PLAGL1: variants seen among roughly 807,000 people sequenced by gnomAD.
PLAGL1 encodes the protein zinc finger protein PLAGL1.
A neutral mutation model predicts 4.6 loss-of-function variants in PLAGL1; 1 was observed. That is an observed-to-expected ratio of 0.22 (90% CI 0.08 to 1.03). The LOEUF (loss-of-function observed/expected upper bound fraction) is 1.03. Among genes scored for constraint, PLAGL1 ranks in the 50% least tolerant of loss-of-function variants. The pLI, the probability that PLAGL1 is intolerant of heterozygous loss-of-function variation, is 0.58. For missense variants in PLAGL1, 464 were observed against 570.4 expected, an observed-to-expected ratio of 0.81 and a Z score of 1.90; for synonymous variants, 240 against 237.8, an observed-to-expected ratio of 1.01 and a Z score of -0.08.
rs1357505299 is a variant in PLAGL1 at position 143,959,013 on chromosome 6, T to C, written c.-325+1456A>G. 6.6e-6 allele frequency among the ~76,000 whole-genome samples: 1 copy of C among 152,208 alleles called. No individual in the cohort carries two copies. The highest frequency in any genetic ancestry group is 1.5e-5 in the Non-Finnish European group (1 of 68,030). Reference sequence around the variant, plus strand: ...GGGGGAGGAATGTGAACTCTCTGAGTAGCTGTCCTTGCAATCCACATGTGT... The same window carrying C: ...GGGGGAGGAATGTGAACTCTCTGAGCAGCTGTCCTTGCAATCCACATGTGT... On this transcript the variant is annotated intron_variant, in intron 6 of 7. Transcript: ENST00000674357. This position sits in a 1 kb window ranked among gnomAD's most constrained non-coding sequence, Gnocchi z 5.3.
rs147127340 is a variant in PLAGL1, at chr6:144,060,685, C to T, written c.-151+3783G>A. 2.1e-3 allele frequency among the ~76,000 whole-genome samples: 316 copies of T among 152,254 alleles called. 1 individual carries two copies. Among genetic ancestry groups the T allele is most frequent in the African/African-American group, 7.3e-3 (302 of 41,526 alleles). On this transcript the variant is annotated intron_variant, in intron 1 of 3. Coordinates refer to the PLAGL1 transcript ENST00000437412. Reference sequence around the variant, plus strand: ...ACTTTCCTGTGTCCTTATTTTTCAACGAAGAGATTCTTATTCACACTTTTC... The same window carrying T: ...ACTTTCCTGTGTCCTTATTTTTCAATGAAGAGATTCTTATTCACACTTTTC...
intron 1 of PLAGL1, among the ~76,000 whole-genome samples, chr6:144,046,617 G>A (rs974736817): frequency 1.3e-5 from 2 of 152,180 alleles, no homozygotes; most frequent in African/African-American, 4.8e-5. Context: ...CTACTGGGAG[G>A]TGTCTCCCAG....
chr6:144,016,531 A>G lies in PLAGL1; in HGVS notation c.-150-47553T>C, dbSNP rs578022897. On this transcript the variant is annotated intron_variant, in intron 1 of 3. Transcript: ENST00000437412. The surrounding 1 kb of genome is among the most constrained non-coding windows in gnomAD (Gnocchi z 4.2). ...TATTAACCATCATAATATGTAAACG[A>G]CACATGGTCCCATTCATAGGAAATT... Among the ~76,000 whole-genome samples, 2 of 152,316 alleles carry G rather than the reference A, an allele frequency of 1.3e-5. No individual in the cohort carries two copies. Among genetic ancestry groups the G allele is most frequent in the South Asian group, 4.2e-4 (2 of 4,818 alleles).
At position 144,039,942 on chromosome 6, in the gene PLAGL1, G is replaced by A. The variant is rs571917398; in HGVS notation, c.-151+24526C>T. Reference sequence around the variant, plus strand: ...ATAAAAATGGATGAAATTATAGTTAGGTTCAAAAGGCAAGCCTCCAGATAA... The same window carrying A: ...ATAAAAATGGATGAAATTATAGTTAAGTTCAAAAGGCAAGCCTCCAGATAA... On this transcript the variant is annotated intron_variant, in intron 1 of 3. Transcript: ENST00000437412. This position sits in a 1 kb window ranked among gnomAD's most constrained non-coding sequence, Gnocchi z 4.1. 1.3e-5 allele frequency among the ~76,000 whole-genome samples: 2 copies of A among 152,164 alleles called. No individual in the cohort carries two copies. Among genetic ancestry groups the A allele is most frequent in the Non-Finnish European group, 2.9e-5 (2 of 68,024 alleles).
intron 1 of PLAGL1, among the ~76,000 whole-genome samples, chr6:143,999,073 A>G (rs556049798): frequency 3.9e-5 from 6 of 152,340 alleles, no homozygotes; most frequent in African/African-American, 9.6e-5. Flanking sequence ...TACAGGGAAA[A>G]ATAGCATAGG....
chr6:144,046,577 C>T (rs978131078), intron 1 of PLAGL1, among the ~76,000 whole-genome samples: 1 of 152,140 alleles, frequency 6.6e-6, no homozygotes, highest in Non-Finnish European at 1.5e-5. Context: ...CTCAGAGGGG[C>T]ACCTGGCTAA....
chr6:143,974,219 G>A (rs890224937), intron 2 of PLAGL1, among the ~76,000 whole-genome samples: 4 of 152,126 alleles, frequency 2.6e-5, no homozygotes, highest in African/African-American at 7.2e-5. Context: ...ATTGTGCTCC[G>A]TTCCATTTGT....
rs907648892 is a variant in PLAGL1 at position 143,989,882 on chromosome 6, C to T, written c.-583-4708G>A. On this transcript the variant is annotated intron_variant, in intron 1 of 7. Coordinates refer to ENST00000674357, the MANE Select transcript of PLAGL1 (RefSeq NM_001317162.2). The surrounding 1 kb of genome is among the most constrained non-coding windows in gnomAD (Gnocchi z 4.8). ...CCCACTCCTAATACTTAACACATAA[C>T]ATCTCTCTGTTAACATCCCTACTTA... is the stretch of plus-strand genomic sequence containing the variant. Among the ~76,000 whole-genome samples, 1 of 152,166 alleles carries T rather than the reference C, an allele frequency of 6.6e-6. No individual in the cohort carries two copies. The highest frequency in any genetic ancestry group is 1.5e-5 in the Non-Finnish European group (1 of 68,036).
intron 1 of PLAGL1, among the ~76,000 whole-genome samples, chr6:144,020,473 G>A (rs1001795170): frequency 2.2e-4 from 33 of 151,918 alleles, no homozygotes; most frequent in Admixed American, 5.9e-4. Flanking sequence ...ATCTTTAGTA[G>A]GGTTGGAGTT....
chr6:144,030,460 A>C (rs1796731943), intron 1 of PLAGL1, among the ~76,000 whole-genome samples: 1 of 152,094 alleles, frequency 6.6e-6, no homozygotes, highest in African/African-American at 2.4e-5. Context: ...AGCAGTGTAC[A>C]CTTTACCCAA....
rs537946468 is a variant in PLAGL1, at chr6:143,979,354, G to A, written c.-544+5781C>T. On this transcript the variant is annotated intron_variant, in intron 2 of 7. Transcript: ENST00000674357. The surrounding 1 kb of genome is among the most constrained non-coding windows in gnomAD (Gnocchi z 4.6). Reference sequence around the variant, plus strand: ...CAGTTAGACCATTTATGCTTAACATGCTTACTGACATGATTAGGCTGAAAT... The same window carrying A: ...CAGTTAGACCATTTATGCTTAACATACTTACTGACATGATTAGGCTGAAAT... Among the ~76,000 whole-genome samples the A allele has an allele frequency of 2.6e-4, 39 of 152,164 alleles. No homozygotes were observed. Among genetic ancestry groups the A allele is most frequent in the African/African-American group, 9.1e-4 (38 of 41,546 alleles).
upstream of PLAGL1, among the ~76,000 whole-genome samples, chr6:144,012,529 G>T (rs917393779): frequency 1.3e-5 from 2 of 152,132 alleles, no homozygotes; most frequent in African/African-American, 4.8e-5. The surrounding 1 kb of genome is among the most constrained non-coding windows in gnomAD (Gnocchi z 4.8). Context: ...GAGCCACCAT[G>T]CCTGGATGAT....
Position 144,013,788 on chromosome 6 carries a change from T to A in PLAGL1, c.-150-44810A>T, listed in dbSNP as rs780953294. Among the ~76,000 whole-genome samples, 1 of 152,234 alleles carries A rather than the reference T, an allele frequency of 6.6e-6. No individual in the cohort carries two copies. Among genetic ancestry groups the A allele is most frequent in the Non-Finnish European group, 1.5e-5 (1 of 68,046 alleles). Reference sequence around the variant, plus strand: ...TGTGTATCTCTCTTATAGGGGTAGATGTCACTGTACTTAGGACTCACTGAA... The same window carrying A: ...TGTGTATCTCTCTTATAGGGGTAGAAGTCACTGTACTTAGGACTCACTGAA... On this transcript the variant is annotated intron_variant, in intron 1 of 3. Coordinates refer to the PLAGL1 transcript ENST00000437412. This position sits in a 1 kb window ranked among gnomAD's most constrained non-coding sequence, Gnocchi z 4.4.
chr6:144,038,721 C>T (rs1403404037), intron 1 of PLAGL1, among the ~76,000 whole-genome samples: 2 of 152,122 alleles, frequency 1.3e-5, no homozygotes, highest in African/African-American at 4.8e-5. Flanking sequence ...GTGAAGAAAT[C>T]AATCACAAAG....
At chr6:144,045,000 CTTTT>C (rs138373370) in intron 1 of PLAGL1, among the ~76,000 whole-genome samples, 3 of 47,322 alleles carry the variant, frequency 6.3e-5, no homozygotes, top group Admixed American at 2.1e-4. Flanking sequence ...GCAACCCCTG[CTTTT>C]TTTTTTTTTT....
rs201057231 is a variant in PLAGL1 at position 143,941,952 on chromosome 6, C to T, written c.864G>A (p.Ser288=). 25 of 1,602,608 alleles carry T rather than the reference C, an allele frequency of 1.6e-5. No homozygotes were observed. In the East Asian group the frequency reaches 2.0e-4, roughly 13 times the overall value. ...GTGGCGGAGGAGAGCCAGGGGATACCGAGGGGTGGAGGGAGGCCAGGGACT... is the reference window on the plus strand; with the variant it reads ...GTGGCGGAGGAGAGCCAGGGGATACTGAGGGGTGGAGGGAGGCCAGGGACT... ...LPESLASLHP[S]VSPGSPPPPL... Residue 288 remains serine (S), a synonymous_variant, in exon 8 of 8, where the codon TCG becomes TCA. Transcript: ENST00000674357. This position sits in a 1 kb window ranked among gnomAD's most constrained non-coding sequence, Gnocchi z 6.0.
intron 1 of PLAGL1, among the ~76,000 whole-genome samples, chr6:144,023,527 A>G (rs1202355333): frequency 6.6e-6 from 1 of 152,194 alleles, no homozygotes; most frequent in African/African-American, 2.4e-5. Flanking sequence ...GACAAAAAGG[A>G]ACTGCACGAA....
At chr6:144,012,566 G>T (rs780572780), upstream of PLAGL1, among the ~76,000 whole-genome samples, 11 of 152,010 alleles carry the variant, frequency 7.2e-5, no homozygotes, top group Non-Finnish European at 1.5e-4. This position sits in a 1 kb window ranked among gnomAD's most constrained non-coding sequence, Gnocchi z 4.8. Flanking sequence ...GATTTTTTTA[G>T]TGCTTCCTTG....
At position 143,965,164 on chromosome 6, in the gene PLAGL1, T is replaced by C. The variant is rs1784189747; in HGVS notation, c.-430-346A>G. ...CAAATTTGTTGACTGTAAGATGTTG[T>C]AGTAATGGTCAGTACTTGCAGCACC... On this transcript the variant is annotated intron_variant, in intron 4 of 7. Transcript: ENST00000674357. This position sits in a 1 kb window ranked among gnomAD's most constrained non-coding sequence, Gnocchi z 7.5. 1.3e-5 allele frequency: 2 copies of C among 152,250 alleles called. No individual in the cohort carries two copies. The highest frequency in any genetic ancestry group is 4.8e-5 in the African/African-American group (2 of 41,458). 9.4% of individuals were successfully genotyped at this position (152,250 alleles called of 1,614,324 possible).
Sources: gnomAD v4.1 joint callset for allele counts (sites outside exome capture counted in the v4.1 genomes callset) on GRCh38, gnomAD v4.1.1 for gene constraint, Gnocchi (gnomAD v3.1) non-coding constraint, MANE v1.5 for transcripts, NCBI Gene and HGNC (gene_info 2026-07-23, HGNC 2026-07-21) for gene names.